TCEANC2: variants seen among roughly 807,000 people sequenced by gnomAD.
TCEANC2 encodes the protein transcription elongation factor A N-terminal and central domain-containing protein 2.
Under a neutral mutation model 22.8 loss-of-function variants are expected in TCEANC2, and 20 were observed. That is an observed-to-expected ratio of 0.88 (90% CI 0.62 to 1.28). The LOEUF is 1.28. Ranked by LOEUF, TCEANC2 falls within the 50% of genes most tolerant of loss-of-function variation. The pLI is 0.00. For missense variants in TCEANC2, 251 were observed against 249.7 expected (o/e 1.01, Z -0.03); for synonymous variants, 84 against 95.5 (o/e 0.88, Z 0.70).
intron 3 of TCEANC2, among the ~76,000 whole-genome samples, chr1:54,072,577 A>G (rs995070735): frequency 6.6e-5 from 10 of 151,746 alleles, no homozygotes; most frequent in East Asian, 1.9e-4. Flanking sequence ...TTGTATTTTT[A>G]GTAGAGACGG....
chr1:54,085,683 T>C lies in TCEANC2; in HGVS notation c.245-2914T>C, dbSNP rs182481252. ...GTATTTGGTTGTAATCTAATAAAAA[T>C]AGCCTACTGAGATTTTTGGTTGAGA... On this transcript the variant is annotated intron_variant, in intron 3 of 4. Coordinates refer to ENST00000234827, the MANE Select transcript of TCEANC2 (RefSeq NM_153035.3). Among the ~76,000 whole-genome samples the C allele has an allele frequency of 6.8e-4, 104 of 152,326 alleles. 1 individual carries two copies. Among genetic ancestry groups the C allele is most frequent in the Admixed American group, 1.4e-3 (21 of 15,302 alleles).
chr1:54,082,882 T>G (rs561884785), intron 3 of TCEANC2, among the ~76,000 whole-genome samples: 1 of 152,336 alleles, frequency 6.6e-6, no homozygotes, highest in Non-Finnish European at 1.5e-5. Context: ...AAGGTCATTT[T>G]GCCTTCAGTA....
intron 2 of TCEANC2, among the ~76,000 whole-genome samples, chr1:54,056,344 T>G (rs1291683204): frequency 1.3e-5 from 2 of 151,470 alleles, no homozygotes; most frequent in African/African-American, 2.4e-5. Context: ...AGTTTTGCAC[T>G]GTCGCCCCGG....
chr1:54,106,461 CAT>C (rs1328944962), downstream of TCEANC2, among the ~76,000 whole-genome samples: 2 of 151,990 alleles, frequency 1.3e-5, no homozygotes, highest in African/African-American at 4.8e-5. Flanking sequence ...ATTACTTTGA[CAT>C]GTGATCAATG....
At chr1:54,089,973 G>T in intron 4 of TCEANC2, 1 of 706,442 alleles carries the variant, frequency 1.4e-6, no homozygotes, top group Non-Finnish European at 2.6e-6. Flanking sequence ...ATATGGTAGT[G>T]CTGTATTAGC....
chr1:54,096,549 G>A lies in TCEANC2; in HGVS notation c.*76G>A. On this transcript the variant is annotated 3_prime_UTR_variant, in exon 5 of 5. Transcript: ENST00000234827. This position sits in a 1 kb window ranked among gnomAD's most constrained non-coding sequence, Gnocchi z 4.9. Reference sequence around the variant, plus strand: ...CTCTGCCGTTCAAAGACGCTTTTGAGTTTGGGTGATGGCTGATGCTGGCTG... The same window carrying A: ...CTCTGCCGTTCAAAGACGCTTTTGAATTTGGGTGATGGCTGATGCTGGCTG... 6.6e-7 allele frequency: 1 copy of A among 1,516,446 alleles called. No homozygotes were observed. The highest frequency in any genetic ancestry group is 8.9e-7 in the Non-Finnish European group (1 of 1,126,814). The allele number at this position is 1,516,446 out of a possible 1,614,324, so 93.9% of individuals were successfully genotyped here. A position where few individuals can be genotyped will look rare whatever the true frequency, so the allele number is the denominator to read the frequency against.
intron 2 of TCEANC2, among the ~76,000 whole-genome samples, chr1:54,058,326 T>G (rs1657790655): frequency 6.6e-6 from 1 of 152,226 alleles, no homozygotes; most frequent in African/African-American, 2.4e-5. Context: ...CACTCCCTTC[T>G]CTGAGCCATC....
Position 54,096,140 on chromosome 1 carries a change from C to T in TCEANC2, c.439-145C>T. On this transcript the variant is annotated intron_variant, in intron 4 of 4. Coordinates refer to ENST00000234827, the MANE Select transcript of TCEANC2 (RefSeq NM_153035.3). This position sits in a 1 kb window ranked among gnomAD's most constrained non-coding sequence, Gnocchi z 4.9. ...ATTGCCAGGGTGGAATTAATTTGCT[C>T]TTCCTGTTTCTCTTGTGACAGGAAG... 10 of 1,330,824 alleles carry T rather than the reference C, an allele frequency of 7.5e-6. No homozygotes were observed. The highest frequency in any genetic ancestry group is 9.0e-6 in the Non-Finnish European group (9 of 1,003,252). The allele number at this position is 1,330,824 out of a possible 1,614,324, so 82.4% of individuals were successfully genotyped here.
At chr1:54,081,219 G>A (rs992059544) in intron 3 of TCEANC2, among the ~76,000 whole-genome samples, 3 of 152,094 alleles carry the variant, frequency 2.0e-5, no homozygotes, top group Non-Finnish European at 4.4e-5. Context: ...CACAATAGCT[G>A]TTATTATGAT....
chr1:54,069,603 CAAAA>C (rs1333889985), intron 3 of TCEANC2, among the ~76,000 whole-genome samples: 4 of 67,650 alleles, frequency 5.9e-5, no homozygotes, highest in Non-Finnish European at 6.4e-5. Flanking sequence ...GACTCTGTCT[CAAAA>C]AAAAAAAAAA....
At chr1:54,083,626 G>C (rs528695740) in intron 3 of TCEANC2, among the ~76,000 whole-genome samples, 4 of 152,224 alleles carry the variant, frequency 2.6e-5, no homozygotes, top group Non-Finnish European at 5.9e-5. Context: ...GCGTTTCTTG[G>C]AGAGAGAAAA....
chr1:54,072,173 TC>T (rs1287230626), intron 3 of TCEANC2, among the ~76,000 whole-genome samples: 3 of 152,122 alleles, frequency 2.0e-5, no homozygotes, highest in Admixed American at 2.0e-4. Context: ...CTTCTGAGAT[TC>T]TATAATTAGA....
Position 54,096,671 on chromosome 1 carries a change from C to A in TCEANC2, c.*198C>A. On this transcript the variant is annotated 3_prime_UTR_variant, in exon 5 of 5. Coordinates refer to ENST00000234827, the MANE Select transcript of TCEANC2 (RefSeq NM_153035.3). This position sits in a 1 kb window ranked among gnomAD's most constrained non-coding sequence, Gnocchi z 4.9. ...GGAATGTGCTTCATTAGCTGCAGTG[C>A]GCTGGTGCTGCCTAACAGAACGCAC... 7.9e-7 allele frequency: 1 copy of A among 1,271,426 alleles called. No individual in the cohort carries two copies. The highest frequency in any genetic ancestry group is 1.0e-6 in the Non-Finnish European group (1 of 983,312). 78.8% of individuals were successfully genotyped at this position (1,271,426 alleles called of 1,614,324 possible).
chr1:54,096,765 C>T lies in TCEANC2; in HGVS notation c.*292C>T. ...CATGGTGAAAGGGTGATGGATTTCACTGTGAATATGCCAAGGACACCTCTA... is the reference window on the plus strand; with the variant it reads ...CATGGTGAAAGGGTGATGGATTTCATTGTGAATATGCCAAGGACACCTCTA... On this transcript the variant is annotated 3_prime_UTR_variant, in exon 5 of 5. Transcript: ENST00000234827. The surrounding 1 kb of genome is among the most constrained non-coding windows in gnomAD (Gnocchi z 4.9). The T allele has an allele frequency of 9.0e-7, 1 of 1,116,682 alleles. No homozygotes were observed. 69.2% of individuals were successfully genotyped at this position (1,116,682 alleles called of 1,614,324 possible).
intron 2 of TCEANC2, among the ~76,000 whole-genome samples, chr1:54,064,025 T>C (rs1470550173): frequency 2.0e-5 from 3 of 152,226 alleles, no homozygotes; most frequent in Non-Finnish European, 4.4e-5. Flanking sequence ...ATTCAAATCT[T>C]GGCAAAGGCA....
chr1:54,069,395 G>C (rs1658016333), intron 3 of TCEANC2, among the ~76,000 whole-genome samples: 1 of 152,080 alleles, frequency 6.6e-6, no homozygotes, highest in African/African-American at 2.4e-5. Flanking sequence ...ATCACTTGAG[G>C]TCAGGAGTCC....
intron 3 of TCEANC2, among the ~76,000 whole-genome samples, chr1:54,080,145 T>C (rs891191236): frequency 6.6e-6 from 1 of 150,958 alleles, no homozygotes; most frequent in South Asian, 2.1e-4. Flanking sequence ...CAATTTTCTT[T>C]CTTTTTTTTT....
Position 54,099,288 on chromosome 1 carries a change from T to C in TCEANC2, c.*2815T>C, listed in dbSNP as rs994626248. On this transcript the variant is annotated 3_prime_UTR_variant, in exon 5 of 5. Transcript: ENST00000234827. ...TGCTTTGGAGATTTGGAAAGCAGGC[T>C]GTGTTATTTGTGGCTGTTTTCTCCT... is the stretch of plus-strand genomic sequence containing the variant. The C allele has an allele frequency of 1.3e-5, 2 of 152,236 alleles. No homozygotes were observed. The highest frequency in any genetic ancestry group is 4.8e-5 in the African/African-American group (2 of 41,456). The allele number at this position is 152,236 out of a possible 1,614,324, so 9.4% of individuals were successfully genotyped here. A position where few individuals can be genotyped will look rare whatever the true frequency, so the allele number is the denominator to read the frequency against.
intron 3 of TCEANC2, 28 bp downstream of exon 3, chr1:54,068,925 A>C (rs1570000581): frequency 1.3e-6 from 2 of 1,515,338 alleles, no homozygotes; most frequent in African/African-American, 2.8e-5. Context: ...TTTATTTTTT[A>C]AGAAAGCTTA....
Sources: gnomAD v4.1 joint callset for allele counts (sites outside exome capture counted in the v4.1 genomes callset) on GRCh38, gnomAD v4.1.1 for gene constraint, Gnocchi (gnomAD v3.1) non-coding constraint, MANE v1.5 for transcripts, NCBI Gene and HGNC (gene_info 2026-07-23, HGNC 2026-07-21) for gene names.